Variants in PPP1R14C observed in about 807,000 individuals in gnomAD.
The protein encoded by PPP1R14C is protein phosphatase 1 regulatory subunit 14C.
In PPP1R14C, 16 loss-of-function variants were observed where a neutral mutation model predicts 20.4. That is an observed-to-expected ratio of 0.78 (90% CI 0.53 to 1.19). PPP1R14C has a LOEUF of 1.19. Ranked by LOEUF, PPP1R14C falls within the 50% of genes most tolerant of loss-of-function variation. The pLI is 0.00. For synonymous variants in PPP1R14C, 91 were observed against 91.0 expected, an observed-to-expected ratio of 1.00 and a Z score of 0.00; for missense variants, 211 against 220.1, an observed-to-expected ratio of 0.96 and a Z score of 0.26.
At chr6:150,147,995 C>T (rs1313526694) in intron 1 of PPP1R14C, among the ~76,000 whole-genome samples, 1 of 152,114 alleles carries the variant, frequency 6.6e-6, no homozygotes, top group African/African-American at 2.4e-5. Context: ...TTACTGTATG[C>T]TAAGGAAAAA....
intron 1 of PPP1R14C, among the ~76,000 whole-genome samples, chr6:150,200,679 G>T (rs1415376522): frequency 6.6e-6 from 1 of 152,160 alleles, no homozygotes; most frequent in African/African-American, 2.4e-5. Context: ...CCCTACATTT[G>T]TAACAGGAGA....
At chr6:150,216,559 C>CAA (rs34550270) in intron 2 of PPP1R14C, among the ~76,000 whole-genome samples, 27,674 of 142,784 alleles carry the variant, frequency 0.19, 3,404 homozygotes, top group African/African-American at 0.36. Flanking sequence ...GCTATGGTAG[C>CAA]AAAAAAAAAA....
At chr6:150,156,101 C>CCCCAGTGAGTGAG in intron 1 of PPP1R14C, among the ~76,000 whole-genome samples, 1 of 150,636 alleles carries the variant, frequency 6.6e-6, no homozygotes, top group East Asian at 2.0e-4. Flanking sequence ...GAAGTAGACA[C>CCCCAGTGAGTGAG]CCCAGTGAGT....
At chr6:150,207,696 T>C (rs1381462710) in intron 1 of PPP1R14C, among the ~76,000 whole-genome samples, 1 of 152,252 alleles carries the variant, frequency 6.6e-6, no homozygotes. Flanking sequence ...CTACTCTTGA[T>C]AGATAGTCTG....
intron 1 of PPP1R14C, among the ~76,000 whole-genome samples, chr6:150,213,140 G>A (rs1345191118): frequency 1.3e-5 from 2 of 152,172 alleles, no homozygotes; most frequent in Non-Finnish European, 2.9e-5. Flanking sequence ...GATAAATACT[G>A]CTTTTGAAGT....
intron 1 of PPP1R14C, among the ~76,000 whole-genome samples, chr6:150,207,343 G>A (rs1171250628): frequency 2.0e-5 from 3 of 152,166 alleles, no homozygotes; most frequent in Non-Finnish European, 4.4e-5. Flanking sequence ...CCCAAGGTGA[G>A]GCCATCCTAC....
intron 1 of PPP1R14C, among the ~76,000 whole-genome samples, chr6:150,157,088 A>C (rs1406919007): frequency 6.7e-6 from 1 of 150,274 alleles, no homozygotes; most frequent in Non-Finnish European, 1.5e-5. Context: ...AGGTTGAGTT[A>C]ACTCATCACT....
At position 150,249,753 on chromosome 6, in the gene PPP1R14C, G is replaced by A. The variant is rs1347168598; in HGVS notation, c.*933G>A. ...CAGATCAAAAGAAAGTTAGCAGATC[G>A]AGTGTCTTCTTCCTTAGAAATAGGT... On this transcript the variant is annotated 3_prime_UTR_variant, in exon 4 of 4. Transcript: ENST00000361131. The A allele has an allele frequency of 1.0e-5, 4 of 392,060 alleles. No homozygotes were observed. Among genetic ancestry groups the A allele is most frequent in the South Asian group, 1.4e-4 (1 of 6,966 alleles). The allele number at this position is 392,060 out of a possible 1,614,324, so 24.3% of individuals were successfully genotyped here.
chr6:150,230,440 G>A (rs73011604), intron 3 of PPP1R14C, among the ~76,000 whole-genome samples: 8,921 of 152,252 alleles, frequency 0.059, 338 homozygotes, highest in African/African-American at 0.087. Flanking sequence ...CAAAGAGGAG[G>A]CAACACGTGG....
chr6:150,199,858 G>C (rs1164848805), intron 1 of PPP1R14C, among the ~76,000 whole-genome samples: 1 of 112,532 alleles, frequency 8.9e-6, no homozygotes, highest in East Asian at 2.6e-4. Flanking sequence ...GACAGAGCGA[G>C]AGCCTGTCTC....
intron 1 of PPP1R14C, among the ~76,000 whole-genome samples, chr6:150,160,770 C>T (rs949618808): frequency 1.3e-5 from 2 of 151,974 alleles, no homozygotes; most frequent in Admixed American, 1.3e-4. Context: ...TTTCATGGCC[C>T]ATATTATTCC....
intron 1 of PPP1R14C, among the ~76,000 whole-genome samples, chr6:150,181,058 C>T (rs562700440): frequency 2.0e-5 from 3 of 152,108 alleles, no homozygotes; most frequent in African/African-American, 7.2e-5. Flanking sequence ...TTACTGATGT[C>T]TTTTTTAAAA....
At position 150,149,403 on chromosome 6, in the gene PPP1R14C, G is replaced by T. The variant is rs1777217636; in HGVS notation, c.306+5905G>T. ...TGCAGTGGGGCTATCACGGCTCATT[G>T]CATCGTTGACCACCCAGGCTCAAGT... is the stretch of plus-strand genomic sequence containing the variant. On this transcript the variant is annotated intron_variant, in intron 1 of 3. Transcript: ENST00000361131. Among the ~76,000 whole-genome samples, 5 of 149,350 alleles carry T rather than the reference G, an allele frequency of 3.3e-5. No homozygotes were observed. In the South Asian group the frequency reaches 1.1e-3, roughly 31 times the overall value.
chr6:150,171,427 C>A (rs1201604560), intron 1 of PPP1R14C, among the ~76,000 whole-genome samples: 1 of 152,170 alleles, frequency 6.6e-6, no homozygotes, highest in Non-Finnish European at 1.5e-5. Context: ...ATCCCAGAAG[C>A]TCACATTTAA....
intron 1 of PPP1R14C, among the ~76,000 whole-genome samples, chr6:150,146,081 G>T: frequency 6.6e-6 from 1 of 152,142 alleles, no homozygotes; most frequent in African/African-American, 2.4e-5. Flanking sequence ...ATGTCATAGG[G>T]GAATTTATTA....
chr6:150,233,142 T>C (rs1330247102), intron 3 of PPP1R14C, among the ~76,000 whole-genome samples: 2 of 152,194 alleles, frequency 1.3e-5, no homozygotes, highest in Admixed American at 6.5e-5. Context: ...GTCACTAGTG[T>C]GGCTGGTAAA....
intron 1 of PPP1R14C, among the ~76,000 whole-genome samples, chr6:150,176,605 A>T (rs565392423): frequency 6.6e-6 from 1 of 152,318 alleles, no homozygotes; most frequent in Admixed American, 6.5e-5. Context: ...TTCTACTGCT[A>T]TTTTGGTGGA....
intron 3 of PPP1R14C, among the ~76,000 whole-genome samples, chr6:150,246,030 C>A (rs138535537): frequency 6.6e-6 from 1 of 151,988 alleles, no homozygotes; most frequent in Non-Finnish European, 1.5e-5. Flanking sequence ...ATGCACAAGG[C>A]AAATAGCATT....
intron 1 of PPP1R14C, among the ~76,000 whole-genome samples, 190 bp from the exon 2 acceptor site, chr6:150,214,553 AC>A (rs1170275283): frequency 4.6e-5 from 6 of 129,748 alleles, no homozygotes; most frequent in Non-Finnish European, 8.0e-5. Context: ...TCTCCTCTTT[AC>A]CCCTTCATCC....
Sources: gnomAD v4.1 joint callset for allele counts (sites outside exome capture counted in the v4.1 genomes callset) on GRCh38, gnomAD v4.1.1 for gene constraint, MANE v1.5 for transcripts, NCBI Gene and HGNC (gene_info 2026-07-23, HGNC 2026-07-21) for gene names.